RBFOX1: variants seen among roughly 807,000 people sequenced by gnomAD.
The protein encoded by RBFOX1 is RNA binding fox-1 homolog 1.
A neutral mutation model predicts 57.7 loss-of-function variants in RBFOX1; 8 were observed. The observed-to-expected ratio is 0.14, with a 90% CI of 0.08 to 0.25. RBFOX1 has a LOEUF of 0.25. Among genes scored for constraint, RBFOX1 ranks in the 10% least tolerant of loss-of-function variants. RBFOX1 has a pLI of 1.00. For missense variants in RBFOX1, 611 were observed against 548.5 expected (o/e 1.11, Z -1.14); for synonymous variants, 326 against 222.4 (o/e 1.47, Z -4.15).
At chr16:6,366,953 A>G (rs992104388) in intron 2 of RBFOX1, among the ~76,000 whole-genome samples, 3 of 152,152 alleles carry the variant, frequency 2.0e-5, no homozygotes, top group Non-Finnish European at 4.4e-5. Flanking sequence ...CATTTCCTAC[A>G]CTGTGAAAGT....
rs146112198 is a variant in RBFOX1 at position 6,780,879 on chromosome 16, A to G, written c.-16+126229A>G. Among the ~76,000 whole-genome samples the G allele has an allele frequency of 3.7e-3, 569 of 152,032 alleles. 8 individuals carry two copies. The highest frequency in any genetic ancestry group is 0.013 in the African/African-American group (554 of 41,486). On this transcript the variant is annotated intron_variant, in intron 3 of 15. Coordinates refer to ENST00000550418, the MANE Select transcript of RBFOX1 (RefSeq NM_018723.4). ...GTACCAAGTTGTTTGAGCTCCTCAC[A>G]TGTTCTGGCAGTTATTCTCTTGTCA...
At chr16:7,631,880 G>C (rs759542250) in intron 11 of RBFOX1, among the ~76,000 whole-genome samples, 1 of 152,178 alleles carries the variant, frequency 6.6e-6, no homozygotes, top group African/African-American at 2.4e-5. Context: ...AGGGTCTGAA[G>C]TCTTCAGGAG....
At chr16:5,535,921 A>G (rs950745929) in intron 2 of RBFOX1, among the ~76,000 whole-genome samples, 2 of 152,156 alleles carry the variant, frequency 1.3e-5, no homozygotes, top group East Asian at 3.9e-4. Context: ...TTAATGCTTC[A>G]AAGAGCCTTT....
chr16:5,443,177 A>T (rs1597086933), intron 1 of RBFOX1, among the ~76,000 whole-genome samples: 1 of 152,254 alleles, frequency 6.6e-6, no homozygotes, highest in African/African-American at 2.4e-5. Flanking sequence ...GTCTGTCATA[A>T]CTTGTTGCAG....
At chr16:6,648,262 A>T (rs1046270333) in intron 2 of RBFOX1, among the ~76,000 whole-genome samples, 5 of 150,428 alleles carry the variant, frequency 3.3e-5, no homozygotes, top group African/African-American at 1.2e-4. Context: ...TGTCTCCCTA[A>T]GGTTTCCAGG....
chr16:5,353,605 A>G (rs911315724), intron 1 of RBFOX1, among the ~76,000 whole-genome samples: 4 of 152,150 alleles, frequency 2.6e-5, no homozygotes, highest in Admixed American at 2.6e-4. Context: ...TCCTTGGTGC[A>G]TCACATCAAG....
intron 4 of RBFOX1, among the ~76,000 whole-genome samples, chr16:7,175,791 A>C (rs553603153): frequency 6.6e-6 from 1 of 152,292 alleles, no homozygotes; most frequent in Non-Finnish European, 1.5e-5. Context: ...AGAGTAAAGC[A>C]AGTCTCTGCA....
rs958863290 is a variant in RBFOX1, at chr16:5,482,528, G to A, written c.258+15274G>A. The stretch of plus-strand genomic sequence containing the variant: ...TGAGCCAGGGAGAAAGACAAAGCAG[G>A]CACTTAATGCAAATCTAATTTTTCA... On this transcript the variant is annotated intron_variant, in intron 2 of 2. Transcript: ENST00000585867. 2.0e-5 allele frequency among the ~76,000 whole-genome samples: 3 copies of A among 152,216 alleles called. No homozygotes were observed. The East Asian group carries it at 5.8e-4, about 29-fold the overall frequency.
intron 3 of RBFOX1, among the ~76,000 whole-genome samples, chr16:6,816,571 C>G (rs957259138): frequency 1.3e-5 from 2 of 151,678 alleles, no homozygotes; most frequent in Admixed American, 6.6e-5. Context: ...GAAACCCCGT[C>G]TCTACTAAAA....
At chr16:7,240,337 T>G (rs1035357987) in intron 4 of RBFOX1, among the ~76,000 whole-genome samples, 1 of 152,176 alleles carries the variant, frequency 6.6e-6, no homozygotes, top group Non-Finnish European at 1.5e-5. Flanking sequence ...GTGTTCTAAG[T>G]ACTTTACATA....
chr16:6,942,281 C>A lies in RBFOX1; in HGVS notation c.-15-109776C>A, dbSNP rs113779574. The stretch of plus-strand genomic sequence containing the variant: ...ACTGACCGAGTGAGACTCCATCTCA[C>A]AAACAAAAAACAAGTTGCTGAGACC... On this transcript the variant is annotated intron_variant, in intron 3 of 15. Coordinates refer to ENST00000550418, the MANE Select transcript of RBFOX1 (RefSeq NM_018723.4). Among the ~76,000 whole-genome samples, 1,297 of 152,120 alleles carry A rather than the reference C, an allele frequency of 8.5e-3. 24 individuals carry two copies. The highest frequency in any genetic ancestry group is 0.03 in the African/African-American group (1,232 of 41,506).
intron 3 of RBFOX1, among the ~76,000 whole-genome samples, chr16:6,817,961 A>T (rs960438763): frequency 1.3e-5 from 2 of 152,236 alleles, no homozygotes; most frequent in South Asian, 4.1e-4. Flanking sequence ...GAATGAGATG[A>T]TCTGGTTTTA....
At chr16:7,550,344 A>G (rs930028319) in intron 5 of RBFOX1, among the ~76,000 whole-genome samples, 1 of 151,900 alleles carries the variant, frequency 6.6e-6, no homozygotes, top group Non-Finnish European at 1.5e-5. Context: ...TTAATTTGGC[A>G]ATATGCATAT....
intron 2 of RBFOX1, among the ~76,000 whole-genome samples, chr16:6,342,795 C>G (rs1174552864): frequency 6.6e-6 from 1 of 152,124 alleles, no homozygotes; most frequent in Non-Finnish European, 1.5e-5. Context: ...CTGTTATATG[C>G]CACTCACAAG....
At chr16:7,605,631 G>A (rs1431921787) in intron 9 of RBFOX1, among the ~76,000 whole-genome samples, 1 of 151,272 alleles carries the variant, frequency 6.6e-6, no homozygotes, top group African/African-American at 2.5e-5. Flanking sequence ...GAACACCTCT[G>A]GGCTATTCTT....
chr16:5,843,437 C>G (rs1028054874), intron 3 of RBFOX1, among the ~76,000 whole-genome samples: 1 of 152,150 alleles, frequency 6.6e-6, no homozygotes, highest in South Asian at 2.1e-4. Flanking sequence ...GCCTCCAGCT[C>G]CATGCATGTT....
chr16:7,265,731 G>A (rs1337591852), intron 4 of RBFOX1, among the ~76,000 whole-genome samples: 1 of 152,162 alleles, frequency 6.6e-6, no homozygotes, highest in Middle Eastern at 3.2e-3. Flanking sequence ...TTATAGGCGT[G>A]AGCCACCATG....
chr16:6,428,722 A>C (rs767450499), intron 2 of RBFOX1, among the ~76,000 whole-genome samples: 2 of 152,236 alleles, frequency 1.3e-5, no homozygotes, highest in African/African-American at 2.4e-5. Context: ...TCACTGGGCT[A>C]CGTAAACAAA....
chr16:6,456,904 A>G (rs2094787987), intron 2 of RBFOX1, among the ~76,000 whole-genome samples: 1 of 152,128 alleles, frequency 6.6e-6, no homozygotes, highest in African/African-American at 2.4e-5. Context: ...AAGAGAAAGT[A>G]TTGGGTCTTA....
Sources: allele counts gnomAD v4.1 joint callset (sites outside exome capture counted in the v4.1 genomes callset), GRCh38; gene constraint gnomAD v4.1.1; transcripts MANE v1.5; gene names NCBI Gene and HGNC (gene_info 2026-07-23, HGNC 2026-07-21).